FASTKD1: variants seen among roughly 807,000 people sequenced by gnomAD.
FASTKD1 encodes FAST kinase domain-containing protein 1, mitochondrial.
FASTKD1 carries 94 observed loss-of-function variants against 90.9 expected under a neutral mutation model. The ratio of observed to expected loss-of-function variants is 1.03; its 90% confidence interval spans 0.88 to 1.23. The LOEUF (loss-of-function observed/expected upper bound fraction) is 1.23. Ranked by LOEUF, FASTKD1 falls within the 50% of genes most tolerant of loss-of-function variation. The pLI, the probability that FASTKD1 is intolerant of heterozygous loss-of-function variation, is 0.00. For missense variants in FASTKD1, 945 were observed against 993.5 expected (o/e 0.95, Z 0.66); for synonymous variants, 319 against 345.8 (o/e 0.92, Z 0.86).
At chr2:169,550,374 A>G (rs1414993005) in intron 7 of FASTKD1, among the ~76,000 whole-genome samples, 1 of 125,182 alleles carries the variant, frequency 8.0e-6, no homozygotes. Flanking sequence ...GTCAACTAGG[A>G]AAAAAAATAC....
At chr2:169,535,322 GCATGCCAC>G (rs1166070139) in intron 12 of FASTKD1, among the ~76,000 whole-genome samples, 10 of 151,394 alleles carry the variant, frequency 6.6e-5, no homozygotes, top group Admixed American at 4.6e-4. Context: ...GACTACAGGG[GCATGCCAC>G]CATGCCTGAT....
chr2:169,552,638 C>T (rs900529004), intron 7 of FASTKD1, among the ~76,000 whole-genome samples: 35 of 151,986 alleles, frequency 2.3e-4, no homozygotes, highest in African/African-American at 7.7e-4. Context: ...TGAAGTAACA[C>T]AGGAGGGGAA....
At chr2:169,542,666 A>T (rs1685006471) in intron 9 of FASTKD1, among the ~76,000 whole-genome samples, 1 of 152,186 alleles carries the variant, frequency 6.6e-6, no homozygotes, top group South Asian at 2.1e-4. Context: ...GGCATTTGAT[A>T]TCAGCCTGGG....
rs758994923 is a variant in FASTKD1, at chr2:169,531,458, G to GT, written c.2220dup (p.Pro741ThrfsTer8). 8 of 1,609,946 alleles carry GT rather than the reference G, an allele frequency of 5.0e-6. No homozygotes were observed. In the East Asian group the frequency reaches 1.8e-4, roughly 36 times the overall value. On this transcript the variant is annotated frameshift_variant, in exon 13 of 15. Coordinates refer to ENST00000453153, the MANE Select transcript of FASTKD1 (RefSeq NM_024622.6). LOFTEE classifies it high-confidence loss of function. ...ATATTATGGCTTCCATACGGAAGAG[G>GT]TTTTTTTCTTTTATCCAAGATACAC... is the stretch of plus-strand genomic sequence containing the variant.
At chr2:169,551,504 G>C (rs1685487305) in intron 7 of FASTKD1, among the ~76,000 whole-genome samples, 1 of 152,074 alleles carries the variant, frequency 6.6e-6, no homozygotes, top group Non-Finnish European at 1.5e-5. Context: ...TGACACAAAA[G>C]AAATCACACT....
chr2:169,560,834 CAATT>C (rs1365182651), intron 4 of FASTKD1, 49 bp from the exon 5 acceptor site: 4 of 416,544 alleles, frequency 9.6e-6, no homozygotes, highest in Non-Finnish European at 1.5e-5. Context: ...TAAGAATGAT[CAATT>C]CTTTTTTTTT....
In FASTKD1 at chr2:169,568,536, T is replaced by A. The variant is rs534245135; in HGVS notation, c.446+648A>T. Among the ~76,000 whole-genome samples, 25 of 142,346 alleles carry A rather than the reference T, an allele frequency of 1.8e-4. 1 individual carries two copies. The South Asian group carries it at 4.4e-3, about 25-fold the overall frequency. 93.4% of individuals were successfully genotyped at this position (142,346 alleles called of 152,430 possible). On this transcript the variant is annotated intron_variant, in intron 3 of 14. Transcript: ENST00000453153. Reference sequence around the variant, plus strand: ...AGCCAGGCATGGTGGCTCATGCATATAAACCCAGCACTTTGTGAGGCCAAG... The same window carrying A: ...AGCCAGGCATGGTGGCTCATGCATAAAAACCCAGCACTTTGTGAGGCCAAG...
chr2:169,564,410 C>T (rs1430401046), intron 3 of FASTKD1, among the ~76,000 whole-genome samples: 16 of 151,782 alleles, frequency 1.1e-4, no homozygotes, highest in Admixed American at 1.1e-3. Flanking sequence ...CCAACCTCAG[C>T]ATTTTTATTA....
Position 169,560,640 on chromosome 2 carries a change from T to G in FASTKD1, c.718A>C (p.Asn240His). The part of the protein sequence containing the change: ...VAKSIAKFLR[N>H]VRYRYQPLLE... ...AGTGGTTGATAACGATATCTAACATTTCGAAGAAACTTTGCTATGCTTTTT... is the reference window on the plus strand; with the variant it reads ...AGTGGTTGATAACGATATCTAACATGTCGAAGAAACTTTGCTATGCTTTTT... Residue 240 changes from asparagine to histidine, a missense_variant, in exon 5 of 15, where the codon AAT becomes CAT. Coordinates refer to ENST00000453153, the MANE Select transcript of FASTKD1 (RefSeq NM_024622.6). 6.2e-7 allele frequency: 1 copy of G among 1,613,130 alleles called. No individual in the cohort carries two copies. The highest frequency in any genetic ancestry group is 8.5e-7 in the Non-Finnish European group (1 of 1,179,742).
At chr2:169,533,683 C>CA (rs1441199537) in intron 12 of FASTKD1, among the ~76,000 whole-genome samples, 1 of 151,756 alleles carries the variant, frequency 6.6e-6, no homozygotes, top group Non-Finnish European at 1.5e-5. Flanking sequence ...GACATACCAG[C>CA]AAAAAAATCT....
chr2:169,546,255 T>G lies in FASTKD1; in HGVS notation c.1664A>C (p.Asp555Ala). The change falls in exon 8 of 15, where the codon GAT (aspartate) becomes GCT (alanine). Residue 555 changes from aspartate to alanine, a missense_variant. Transcript: ENST00000453153. ...CTGAACAGCCACTGAGGCTATCCTA[T>G]CTAGTAGCAAAGTACTGAGGTAATC... The part of the protein sequence containing the change: ...STDYLSTLLL[D>A]RIASVAVQQI... 1 of 1,607,014 alleles carries G rather than the reference T, an allele frequency of 6.2e-7. No homozygotes were observed.
rs777702505 is a variant in FASTKD1 at position 169,540,122 on chromosome 2, T to C, written c.1874A>G (p.Tyr625Cys). The stretch of plus-strand genomic sequence containing the variant: ...TGCCTTTAGCAGATCTTCTGGAAAA[T>C]ATTCAAGTGTGGCCAAAGAGAAACC... The part of the protein sequence containing the change: ...FLGFSLATLE[Y>C]FPEDLLKAIF... Residue 625 changes from tyrosine to cysteine, a missense_variant, in exon 10 of 15, where the codon TAT becomes TGT. By Grantham distance (194) the Tyr-to-Cys change is radical. Transcript: ENST00000453153. 2.9e-5 allele frequency: 46 copies of C among 1,609,546 alleles called. 1 individual carries two copies. The South Asian group carries it at 4.9e-4, about 17-fold the overall frequency.
intron 12 of FASTKD1, among the ~76,000 whole-genome samples, chr2:169,536,031 T>C (rs1310805977): frequency 6.6e-6 from 1 of 152,030 alleles, no homozygotes; most frequent in Non-Finnish European, 1.5e-5. Context: ...ATCCCAACAC[T>C]TTGGGAGGCT....
intron 12 of FASTKD1, among the ~76,000 whole-genome samples, chr2:169,533,183 C>T (rs995394462): frequency 6.6e-6 from 1 of 152,028 alleles, no homozygotes; most frequent in Non-Finnish European, 1.5e-5. Flanking sequence ...TATTGCTGAA[C>T]ATTTCTTAAA....
Position 169,529,941 on chromosome 2 carries a change from T to C in FASTKD1, c.2443-15A>G. On this transcript the variant is annotated splice_polypyrimidine_tract_variant and intron_variant, in intron 14 of 14. Transcript: ENST00000453153. ...AACTGGGAAATCTGAAAATAAGTAA[T>C]GTTGTTTGAATGAAAGTTTTAAAGC... is the stretch of plus-strand genomic sequence containing the variant. 6.4e-7 allele frequency: 1 copy of C among 1,574,748 alleles called. No individual in the cohort carries two copies. The highest frequency in any genetic ancestry group is 8.7e-7 in the Non-Finnish European group (1 of 1,150,126).
At chr2:169,564,958 T>C (rs563914315) in intron 3 of FASTKD1, among the ~76,000 whole-genome samples, 4 of 150,138 alleles carry the variant, frequency 2.7e-5, no homozygotes, top group Admixed American at 6.6e-5. Flanking sequence ...TTTTCTTTTT[T>C]TTTTTTTTTT....
Position 169,546,309 on chromosome 2 carries a change from C to T in FASTKD1, c.1610G>A (p.Gly537Glu), listed in dbSNP as rs766320520. Residue 537 changes from glycine to glutamate, a missense_variant, in exon 8 of 15, where the codon GGG becomes GAG. Coordinates refer to ENST00000453153, the MANE Select transcript of FASTKD1 (RefSeq NM_024622.6). ...FMDDINYINV[G>E]EIASFISSTD... is the part of the protein sequence containing the mutation. ...ACTAGAAATAAAAGATGCAATCTCC[C>T]CAACATTTATGTAATTAATATCATC... is the stretch of plus-strand genomic sequence containing the variant. 7 of 1,613,748 alleles carry T rather than the reference C, an allele frequency of 4.3e-6. No homozygotes were observed.
intron 7 of FASTKD1, among the ~76,000 whole-genome samples, chr2:169,547,980 T>G: frequency 7.4e-6 from 1 of 135,232 alleles, no homozygotes; most frequent in African/African-American, 2.7e-5. Context: ...TAAGACTTCC[T>G]GATGCCCTCC....
intron 3 of FASTKD1, among the ~76,000 whole-genome samples, chr2:169,564,976 G>C: frequency 8.1e-6 from 1 of 123,770 alleles, no homozygotes. Context: ...TTTTTGAGAC[G>C]CAGTTTCGCT....
Sources: allele counts gnomAD v4.1 joint callset (sites outside exome capture counted in the v4.1 genomes callset), GRCh38; gene constraint gnomAD v4.1.1; transcripts MANE v1.5; gene names NCBI Gene and HGNC (gene_info 2026-07-23, HGNC 2026-07-21).